Variants in CD86 observed in about 807,000 individuals in gnomAD.
CD86 encodes the protein CD86 molecule.
CD86 carries 11 observed loss-of-function variants against 32.1 expected under a neutral mutation model. That is an observed-to-expected ratio of 0.34 (90% CI 0.22 to 0.57). CD86 has a LOEUF of 0.57. Among genes scored for constraint, CD86 ranks in the 20% least tolerant of loss-of-function variants. CD86 has a pLI of 0.86. For missense variants in CD86, 359 were observed against 398.4 expected, an observed-to-expected ratio of 0.90 and a Z score of 0.84; for synonymous variants, 137 against 135.3, an observed-to-expected ratio of 1.01 and a Z score of -0.09.
chr3:122,089,065 A>G (rs1461582860), intron 1 of CD86, among the ~76,000 whole-genome samples: 3 of 152,252 alleles, frequency 2.0e-5, no homozygotes, highest in Non-Finnish European at 4.4e-5. Context: ...ACTAAGTGAA[A>G]TAAGCCAGTC....
intron 1 of CD86, among the ~76,000 whole-genome samples, chr3:122,056,447 T>G (rs1002558831): frequency 1.3e-5 from 2 of 152,148 alleles, no homozygotes; most frequent in Non-Finnish European, 2.9e-5. Context: ...CGATTCTCCT[T>G]CCTCAGTCTC....
intron 1 of CD86, chr3:122,078,124 T>C (rs905697767): frequency 2.3e-6 from 2 of 862,940 alleles, no homozygotes; most frequent in African/African-American, 1.8e-5. Flanking sequence ...GAAATGCTGA[T>C]GTGCTAATGG....
intron 2 of CD86, among the ~76,000 whole-genome samples, chr3:122,101,507 A>ATATATATATATAT (rs1166770159): frequency 5.0e-5 from 4 of 79,768 alleles, no homozygotes; most frequent in African/African-American, 2.1e-4. Flanking sequence ...AAAAAAAAAA[A>ATATATATATATAT]AAAAAAATAT....
At chr3:122,115,595 C>G (rs1230521715) in intron 5 of CD86, among the ~76,000 whole-genome samples, 2 of 151,766 alleles carry the variant, frequency 1.3e-5, no homozygotes, top group Non-Finnish European at 2.9e-5. Context: ...ACAAAATTAG[C>G]CAGGCATGGT....
Position 122,091,629 on chromosome 3 carries a change from G to A in CD86, c.43G>A (p.Val15Met). The A allele has an allele frequency of 6.2e-7, 1 of 1,612,996 alleles. No individual in the cohort carries two copies. The highest frequency in any genetic ancestry group is 8.5e-7 in the Non-Finnish European group (1 of 1,179,268). The change falls in exon 2 of 7, where the codon GTG becomes ATG. Residue 15 changes from valine to methionine, a missense_variant. Transcript: ENST00000330540. Reference protein sequence around the residue: ...CTMGLSNILFVMAFLLSGAAP... With the variant: ...CTMGLSNILFMMAFLLSGAAP... ...TATGGGACTGAGTAACATTCTCTTT[G>A]TGATGGCCTTCCTGCTCTCTGGTAA...
intron 1 of CD86, among the ~76,000 whole-genome samples, chr3:122,076,279 T>A (rs990584298): frequency 6.6e-6 from 1 of 152,228 alleles, no homozygotes; most frequent in Non-Finnish European, 1.5e-5. Flanking sequence ...ACTCCAAATA[T>A]TTTGATAGCT....
intron 2 of CD86, among the ~76,000 whole-genome samples, chr3:122,101,267 C>G (rs2072994837): frequency 6.6e-6 from 1 of 151,824 alleles, no homozygotes; most frequent in Admixed American, 6.6e-5. Context: ...ATCAGTAAGT[C>G]TTGGGTGGGG....
At chr3:122,066,731 C>T (rs937666561) in intron 1 of CD86, among the ~76,000 whole-genome samples, 4 of 152,138 alleles carry the variant, frequency 2.6e-5, no homozygotes, top group African/African-American at 9.7e-5. Flanking sequence ...TGAGCCTCCA[C>T]CCTGGGCCTG....
intron 2 of CD86, among the ~76,000 whole-genome samples, chr3:122,097,490 G>C (rs2072925552): frequency 6.6e-6 from 1 of 152,188 alleles, no homozygotes; most frequent in African/African-American, 2.4e-5. Flanking sequence ...GGGAGGAAGG[G>C]CAGACTCTGC....
intron 2 of CD86, among the ~76,000 whole-genome samples, chr3:122,097,825 C>T (rs2072932675): frequency 6.6e-6 from 1 of 152,038 alleles, no homozygotes; most frequent in Non-Finnish European, 1.5e-5. Flanking sequence ...GTACTGAGTC[C>T]GAGTGGAGAA....
At chr3:122,112,604 G>T (rs2073192297) in intron 5 of CD86, among the ~76,000 whole-genome samples, 1 of 152,208 alleles carries the variant, frequency 6.6e-6, no homozygotes, top group African/African-American at 2.4e-5. Context: ...CTTAAAGACT[G>T]AAAGTTAGTG....
chr3:122,076,879 A>G (rs2107512471), intron 1 of CD86, among the ~76,000 whole-genome samples: 1 of 152,334 alleles, frequency 6.6e-6, no homozygotes, highest in Non-Finnish European at 1.5e-5. Flanking sequence ...AACATGTTCA[A>G]TAACTGGCCC....
chr3:122,102,414 T>C (rs1459083222), intron 2 of CD86, among the ~76,000 whole-genome samples: 1 of 138,788 alleles, frequency 7.2e-6, no homozygotes, highest in Admixed American at 7.1e-5. Context: ...TACTTTTTTT[T>C]TTTTTTTTTT....
chr3:122,104,450 C>A (rs1004004679), intron 3 of CD86, among the ~76,000 whole-genome samples: 1 of 152,172 alleles, frequency 6.6e-6, no homozygotes, highest in African/African-American at 2.4e-5. Context: ...CTAAATGCCA[C>A]TACAGATTTT....
intron 4 of CD86, among the ~76,000 whole-genome samples, chr3:122,108,463 A>G (rs1005428130): frequency 1.3e-5 from 2 of 152,202 alleles, no homozygotes; most frequent in Non-Finnish European, 2.9e-5. Context: ...GCATGTGTCT[A>G]CAAATTATAG....
At chr3:122,101,379 G>A (rs945826592) in intron 2 of CD86, among the ~76,000 whole-genome samples, 1 of 151,660 alleles carries the variant, frequency 6.6e-6, no homozygotes, top group Non-Finnish European at 1.5e-5. Context: ...CACTCGATGA[G>A]TGGAAGAGAA....
intron 1 of CD86, among the ~76,000 whole-genome samples, chr3:122,076,147 A>AT (rs1462667069): frequency 1.3e-5 from 2 of 152,292 alleles, no homozygotes; most frequent in East Asian, 1.9e-4. Flanking sequence ...TAACACAAAG[A>AT]TTTTTTTCTA....
chr3:122,065,389 A>G (rs17203418), intron 1 of CD86, among the ~76,000 whole-genome samples: 4,845 of 152,346 alleles, frequency 0.032, 112 homozygotes, highest in Non-Finnish European at 0.046. Flanking sequence ...AGAGTCATCA[A>G]AACAACAAAA....
rs769261211 is a variant in CD86, at chr3:122,103,837, G to C, written c.390G>C (p.Leu130=). Residue 130 remains leucine (L), a synonymous_variant, in exon 3 of 7, where the codon CTG becomes CTC. Transcript: ENST00000330540. The stretch of plus-strand genomic sequence containing the variant: ...GCATCCACCAGATGAATTCTGAACT[G>C]TCAGTGCTTGGTATGTGGTCAATGG... ...MIRIHQMNSE[L]SVLANFSQPE... The C allele has an allele frequency of 6.2e-7, 1 of 1,612,500 alleles. No homozygotes were observed. The highest frequency in any genetic ancestry group is 1.1e-5 in the South Asian group (1 of 90,966).
Sources: allele counts gnomAD v4.1 joint callset (sites outside exome capture counted in the v4.1 genomes callset), GRCh38; gene constraint gnomAD v4.1.1; transcripts MANE v1.5; gene names NCBI Gene and HGNC (gene_info 2026-07-23, HGNC 2026-07-21).